TENM1: variants seen among roughly 807,000 people sequenced by gnomAD.
TENM1 encodes the protein teneurin transmembrane protein 1.
A neutral mutation model predicts 174.8 loss-of-function variants in TENM1; 35 were observed. The observed-to-expected ratio is 0.20, with a 90% confidence interval of 0.15 to 0.27. The LOEUF is 0.27. Ranked by LOEUF, TENM1 falls within the 10% of genes least tolerant of loss-of-function variation. The pLI is 1.00. For missense variants in TENM1, 1,633 were observed against 2,130.1 expected, an observed-to-expected ratio of 0.77 and a Z score of 4.59; for synonymous variants, 781 against 798.7, an observed-to-expected ratio of 0.98 and a Z score of 0.37.
At chrX:124,546,068 T>C (rs1413169432) in intron 15 of TENM1, among the ~76,000 whole-genome samples, 1 of 111,630 alleles carries the variant, frequency 9.0e-6, no homozygotes, top group African/African-American at 3.3e-5. Flanking sequence ...CAAGTTATTC[T>C]TGGGGAATGA....
chrX:124,418,549 ACATCTTCCT>A (rs1284846121), intron 25 of TENM1, among the ~76,000 whole-genome samples: 1 of 111,923 alleles, frequency 8.9e-6, no homozygotes, highest in Non-Finnish European at 1.9e-5. Flanking sequence ...GAAATTGTAT[ACATCTTCCT>A]CATCTTCCTC....
At chrX:125,121,964 C>T in the TENM1 span, among the ~76,000 whole-genome samples, 1 of 111,727 alleles carries the variant, frequency 9.0e-6, no homozygotes, top group Non-Finnish European at 1.9e-5. Context: ...GTCCCAACTA[C>T]TCTTGGGGCT....
chrX:124,495,773 T>C (rs2047185505), intron 20 of TENM1, among the ~76,000 whole-genome samples: 1 of 101,065 alleles, frequency 9.9e-6, no homozygotes, highest in African/African-American at 3.8e-5. Context: ...AGAATCAATA[T>C]CGTGAAAATG....
chrX:125,184,665 T>C, the TENM1 span, among the ~76,000 whole-genome samples: 2 of 111,912 alleles, frequency 1.8e-5, no homozygotes, highest in Non-Finnish European at 3.8e-5. Flanking sequence ...ATTTCTTTTT[T>C]ACATACTCTT....
At chrX:125,132,435 T>C in the TENM1 span, among the ~76,000 whole-genome samples, 3 of 111,624 alleles carry the variant, frequency 2.7e-5, no homozygotes, top group Admixed American at 1.9e-4. Context: ...CTTCTACTTA[T>C]GCACATTGAC....
intron 4 of TENM1, among the ~76,000 whole-genome samples, chrX:124,722,839 CAAAAAAA>C (rs761441453): frequency 8.1e-5 from 2 of 24,761 alleles, no homozygotes; most frequent in Non-Finnish European, 1.7e-4. Context: ...GACTCCGTCT[CAAAAAAA>C]AAAAAAAAAA....
chrX:124,666,410 A>C (rs138632074), intron 6 of TENM1, among the ~76,000 whole-genome samples: 252 of 111,773 alleles, frequency 2.3e-3, no homozygotes, highest in African/African-American at 7.7e-3. Flanking sequence ...CCTGGAAAAC[A>C]ATTTTGCTTA....
At chrX:125,015,389 T>C in the TENM1 span, among the ~76,000 whole-genome samples, 1 of 111,717 alleles carries the variant, frequency 9.0e-6, no homozygotes, top group Non-Finnish European at 1.9e-5. Flanking sequence ...AGCAGATATA[T>C]ATACAAGAGT....
At chrX:124,424,743 GT>G (rs2060691406) in intron 23 of TENM1, among the ~76,000 whole-genome samples, 1 of 111,070 alleles carries the variant, frequency 9.0e-6, no homozygotes, top group Non-Finnish European at 1.9e-5. Flanking sequence ...ATTTAGTACT[GT>G]CCCCCCTTGG....
At chrX:125,172,934 T>C in the TENM1 span, among the ~76,000 whole-genome samples, 1 of 111,712 alleles carries the variant, frequency 9.0e-6, no homozygotes, top group East Asian at 2.8e-4. Flanking sequence ...ATTTATATTC[T>C]GGAAGCATCT....
the TENM1 span, among the ~76,000 whole-genome samples, chrX:125,008,887 T>C: frequency 9.0e-6 from 1 of 111,230 alleles, no homozygotes; most frequent in Admixed American, 9.5e-5. Flanking sequence ...AACGCAGTGT[T>C]AAGAGGGAAA....
intron 28 of TENM1, 106 bp from the exon 32 acceptor site, chrX:124,386,170 T>C: frequency 1.3e-6 from 1 of 784,103 alleles, no homozygotes; most frequent in Non-Finnish European, 1.8e-6. Flanking sequence ...AAGCACTTAC[T>C]GTGTGCCAGA....
At chrX:124,978,152 T>C in the TENM1 span, among the ~76,000 whole-genome samples, 2 of 110,650 alleles carry the variant, frequency 1.8e-5, no homozygotes, top group African/African-American at 6.7e-5. Flanking sequence ...TAAATTATGA[T>C]ACTTTTGAAT....
chrX:125,022,508 G>A, the TENM1 span, among the ~76,000 whole-genome samples: 2 of 111,751 alleles, frequency 1.8e-5, no homozygotes, highest in East Asian at 2.8e-4. Flanking sequence ...TTATCATGTG[G>A]GGGCTAAGTA....
intron 23 of TENM1, among the ~76,000 whole-genome samples, chrX:124,429,067 T>C (rs186290082): frequency 1.7e-3 from 192 of 111,454 alleles, no homozygotes; most frequent in Admixed American, 4.5e-3. Context: ...TACCACTTAA[T>C]ATAAAAATTA....
the TENM1 span, among the ~76,000 whole-genome samples, chrX:125,023,369 C>T: frequency 9.0e-6 from 1 of 111,383 alleles, no homozygotes; most frequent in South Asian, 3.8e-4. Context: ...CCTCCCCAGT[C>T]ATGCAGAACT....
intron 3 of TENM1, among the ~76,000 whole-genome samples, chrX:124,819,747 T>C (rs2055993091): frequency 9.0e-6 from 1 of 111,083 alleles, no homozygotes; most frequent in Non-Finnish European, 1.9e-5. Flanking sequence ...TTAATCTGAA[T>C]GATACTGGGC....
intron 3 of TENM1, among the ~76,000 whole-genome samples, chrX:124,842,801 T>C (rs1159861257): frequency 9.0e-6 from 1 of 110,877 alleles, no homozygotes; most frequent in Non-Finnish European, 1.9e-5. Context: ...CTTCAACATA[T>C]GAGTTTTGGG....
intron 31 of TENM1, 54 bp from the exon 35 acceptor site, chrX:124,381,348 T>C: frequency 9.3e-7 from 1 of 1,079,998 alleles, no homozygotes. Flanking sequence ...ATCTGTCAGA[T>C]ACTTGGTGAT....
Sources: allele counts gnomAD v4.1 joint callset (sites outside exome capture counted in the v4.1 genomes callset), GRCh38; gene constraint gnomAD v4.1.1; transcripts MANE v1.5; gene names NCBI Gene and HGNC (gene_info 2026-07-23, HGNC 2026-07-21).